Variants in COL27A1 observed in about 807,000 individuals in gnomAD.
COL27A1 encodes collagen type XXVII alpha 1 chain, also known as collagen alpha-1(XXVII) chain.
A neutral mutation model predicts 251.3 loss-of-function variants in COL27A1; 106 were observed. The ratio of observed to expected loss-of-function variants is 0.42; its 90% confidence interval spans 0.36 to 0.50. The LOEUF (loss-of-function observed/expected upper bound fraction) is 0.50. COL27A1 is among the 20% of genes least tolerant of loss of function. The probability of loss-of-function intolerance (pLI) is 0.00; values close to 1 mark genes in which losing one functional copy is unlikely to be tolerated. For missense variants in COL27A1, 2,325 were observed against 2,522.8 expected (o/e 0.92, Z 1.68); for synonymous variants, 1,000 against 986.3 (o/e 1.01, Z -0.26).
intron 5 of COL27A1, among the ~76,000 whole-genome samples, chr9:114,191,862 G>A (rs1488538863): frequency 1.3e-5 from 2 of 152,136 alleles, no homozygotes; most frequent in Non-Finnish European, 1.5e-5. Context: ...GCCAACTTAT[G>A]GATTTGGAGG....
chr9:114,221,865 A>G (rs899854024), intron 13 of COL27A1, among the ~76,000 whole-genome samples: 4 of 152,110 alleles, frequency 2.6e-5, no homozygotes, highest in Non-Finnish European at 5.9e-5. Flanking sequence ...GAATCACTTA[A>G]CCTCTGGAGC....
chr9:114,298,697 A>G (rs1766055), intron 49 of COL27A1, among the ~76,000 whole-genome samples: 2,206 of 152,340 alleles, frequency 0.014, 53 homozygotes, highest in African/African-American at 0.051. Flanking sequence ...TACAACTGTT[A>G]GAAAACATAA....
At chr9:114,207,303 G>T (rs12376792) in intron 10 of COL27A1, among the ~76,000 whole-genome samples, 5,608 of 152,256 alleles carry the variant, frequency 0.037, 112 homozygotes, top group Middle Eastern at 0.058. Flanking sequence ...GGAGGCGGGA[G>T]TGGGGGCGGG....
chr9:114,197,651 C>T (rs879147312), intron 7 of COL27A1, among the ~76,000 whole-genome samples: 4 of 152,204 alleles, frequency 2.6e-5, no homozygotes, highest in Admixed American at 1.3e-4. Context: ...GGGCTCCTTG[C>T]ATTAAGCAGA....
chr9:114,307,610 C>A, intron 58 of COL27A1, 59 bp from the exon 59 acceptor site: 1 of 1,232,796 alleles, frequency 8.1e-7, no homozygotes, highest in Non-Finnish European at 1.2e-6. Context: ...ATCTACAGAA[C>A]CAAGGAATGG....
chr9:114,280,555 C>T (rs1371173180), intron 37 of COL27A1, among the ~76,000 whole-genome samples: 1 of 152,186 alleles, frequency 6.6e-6, no homozygotes, highest in Non-Finnish European at 1.5e-5. Context: ...AATTCAGTTC[C>T]TCAGTCATAG....
rs1364546873 is a variant in COL27A1, at chr9:114,263,250, C to A, written c.3196-1105C>A. Among the ~76,000 whole-genome samples the A allele has an allele frequency of 2.0e-5, 3 of 152,132 alleles. No homozygotes were observed. In the East Asian group the frequency reaches 5.8e-4, roughly 29 times the overall value. On this transcript the variant is annotated intron_variant, in intron 28 of 60. Coordinates refer to ENST00000356083, the MANE Select transcript of COL27A1 (RefSeq NM_032888.4). ...CTGTGCCCAGCCTTCCGCCACTGTG[C>A]CCAGCCTTCCTTGTTTGATTTTTAA...
chr9:114,159,152 T>A (rs1292378909), intron 1 of COL27A1, among the ~76,000 whole-genome samples: 2 of 152,252 alleles, frequency 1.3e-5, no homozygotes, highest in African/African-American at 2.4e-5. Context: ...GTAATAGGCC[T>A]TCAGGGCTGA....
chr9:114,308,265 G>C lies in COL27A1; in HGVS notation c.5217+487G>C, dbSNP rs915951359. On this transcript the variant is annotated intron_variant, in intron 59 of 60. Coordinates refer to ENST00000356083, the MANE Select transcript of COL27A1 (RefSeq NM_032888.4). ...CAAACCAAGGCAGGTGGCAGCATGA[G>C]ACCTGACAGCTCCCTCGCCCAGGGA... Among the ~76,000 whole-genome samples the C allele has an allele frequency of 3.9e-5, 6 of 152,350 alleles. No individual in the cohort carries two copies. In the East Asian group the frequency reaches 1.2e-3, roughly 29 times the overall value.
Position 114,290,419 on chromosome 9 carries a change from G to T in COL27A1, c.4368+88G>T. The stretch of plus-strand genomic sequence containing the variant: ...CCCAGGCCATGGGCCAGAGGAGCCC[G>T]TTTGGAAACTTGGATGGGCAGAACC... On this transcript the variant is annotated intron_variant, in intron 47 of 60. Coordinates refer to ENST00000356083, the MANE Select transcript of COL27A1 (RefSeq NM_032888.4). This position sits in a 1 kb window ranked among gnomAD's most constrained non-coding sequence, Gnocchi z 4.6. 2 of 1,219,602 alleles carry T rather than the reference G, an allele frequency of 1.6e-6. No homozygotes were observed. The highest frequency in any genetic ancestry group is 1.3e-5 in the South Asian group (1 of 77,232). 75.5% of individuals were successfully genotyped at this position (1,219,602 alleles called of 1,614,324 possible).
intron 4 of COL27A1, among the ~76,000 whole-genome samples, chr9:114,179,279 G>C (rs972474483): frequency 3.3e-5 from 5 of 152,144 alleles, no homozygotes; most frequent in Admixed American, 2.0e-4. Flanking sequence ...CAGGGCTCTG[G>C]AATCTGCCAT....
chr9:114,261,300 T>TCGAGGGG (rs1554818888), intron 28 of COL27A1, among the ~76,000 whole-genome samples: 4 of 151,798 alleles, frequency 2.6e-5, no homozygotes, highest in African/African-American at 9.7e-5. Context: ...GACATCTTCC[T>TCGAGGGG]CGAGGAGCGG....
chr9:114,199,126 A>T (rs1421137834), intron 7 of COL27A1, among the ~76,000 whole-genome samples: 2 of 152,080 alleles, frequency 1.3e-5, no homozygotes, highest in African/African-American at 4.8e-5. Flanking sequence ...TGCACCTCCC[A>T]TGCTTTCTCT....
chr9:114,260,705 C>T (rs906755103), intron 28 of COL27A1, among the ~76,000 whole-genome samples: 1 of 152,076 alleles, frequency 6.6e-6, no homozygotes, highest in Non-Finnish European at 1.5e-5. Flanking sequence ...TTGGTGAGGA[C>T]GCTGACTAGA....
Position 114,237,698 on chromosome 9 carries a change from G to A in COL27A1, c.2710G>A (p.Gly904Arg), listed in dbSNP as rs1375632196. The A allele has an allele frequency of 1.9e-6, 3 of 1,614,070 alleles. No individual in the cohort carries two copies. The highest frequency in any genetic ancestry group is 2.5e-6 in the Non-Finnish European group (3 of 1,179,980). ...AGACAAAGGATCCATTGGGTTTCCC[G>A]GGCCCCCTGGACCCGAGGTATGTGA... The part of the protein sequence containing the change: ...VGDKGSIGFP[G>R]PPGPEGFPGD... Residue 904 changes from glycine (G) to arginine (R), a missense_variant, in exon 19 of 61, where the codon GGG (glycine) becomes AGG (arginine). Gly to Arg is a moderately radical substitution (Grantham distance 125, BLOSUM62 -2). Around this residue, in one of 4 missense-constraint regions of COL27A1, gnomAD observed 662 missense variants for 795.3 expected, o/e 0.83. Coordinates refer to ENST00000356083, the MANE Select transcript of COL27A1 (RefSeq NM_032888.4).
chr9:114,203,933 T>C (rs1829748661), intron 7 of COL27A1, among the ~76,000 whole-genome samples: 1 of 151,962 alleles, frequency 6.6e-6, no homozygotes, highest in Non-Finnish European at 1.5e-5. Flanking sequence ...CTCTGTAAAA[T>C]GGAGATGATA....
intron 5 of COL27A1, among the ~76,000 whole-genome samples, chr9:114,191,986 C>T (rs1405353391): frequency 6.6e-6 from 1 of 152,136 alleles, no homozygotes; most frequent in African/African-American, 2.4e-5. Flanking sequence ...GTGTCTGTTC[C>T]CCACCATGGC....
chr9:114,300,281 G>T (rs1037436605), intron 50 of COL27A1, 158 bp downstream of exon 50: 1 of 709,758 alleles, frequency 1.4e-6, no homozygotes, highest in Non-Finnish European at 2.4e-6. Flanking sequence ...TACTCCAGAA[G>T]ATCTAGGTTC....
At position 114,183,061 on chromosome 9, in the gene COL27A1, C is replaced by A. The variant is rs987305955; in HGVS notation, c.2002C>A (p.Pro668Thr). The A allele has an allele frequency of 3.1e-6, 5 of 1,613,322 alleles. No homozygotes were observed. Among genetic ancestry groups the A allele is most frequent in the Non-Finnish European group, 4.2e-6 (5 of 1,179,902 alleles). The stretch of plus-strand genomic sequence containing the variant: ...TTATGGAAATCCAGGTCTCCCCGGC[C>A]CTCCTGGAGCCAAAGTGAGTATTTG... Reference protein sequence around the residue: ...GPYGNPGLPGPPGAKGQKGDP... With the variant: ...GPYGNPGLPGTPGAKGQKGDP... The change falls in exon 5 of 61, where the codon CCT (proline) becomes ACT (threonine). Residue 668 changes from proline (P) to threonine (T), a missense_variant. This residue lies in a region of COL27A1 where 1,183 missense variants were observed against 1,144.1 expected (regional missense o/e 1.03). Coordinates refer to ENST00000356083, the MANE Select transcript of COL27A1 (RefSeq NM_032888.4).
Sources: gnomAD v4.1 joint callset for allele counts (sites outside exome capture counted in the v4.1 genomes callset) on GRCh38, gnomAD v4.1.1 for gene constraint, gnomAD v4.1.1 regional missense constraint, Gnocchi (gnomAD v3.1) non-coding constraint, MANE v1.5 for transcripts, NCBI Gene and HGNC (gene_info 2026-07-23, HGNC 2026-07-21) for gene names.